CWF19L2: variants seen among roughly 807,000 people sequenced by gnomAD.
The protein encoded by CWF19L2 is CWF19 like cell cycle control factor 2.
A neutral mutation model predicts 111.7 loss-of-function variants in CWF19L2; 98 were observed. The observed-to-expected ratio is 0.88, with a 90% confidence interval of 0.75 to 1.04. The LOEUF (loss-of-function observed/expected upper bound fraction) is 1.04. Among genes scored for constraint, CWF19L2 ranks in the 50% least tolerant of loss-of-function variants. The pLI is 0.00. For missense variants in CWF19L2, 1,101 were observed against 1,051.4 expected, an observed-to-expected ratio of 1.05 and a Z score of -0.65; for synonymous variants, 351 against 342.9, an observed-to-expected ratio of 1.02 and a Z score of -0.26.
intron 14 of CWF19L2, among the ~76,000 whole-genome samples, chr11:107,346,576 G>A (rs1860083937): frequency 6.6e-6 from 1 of 152,158 alleles, no homozygotes; most frequent in African/African-American, 2.4e-5. Flanking sequence ...TGGACGTGGA[G>A]GTGAAGGTGT....
chr11:107,374,316 T>C (rs1464714691), intron 12 of CWF19L2, among the ~76,000 whole-genome samples: 1 of 129,448 alleles, frequency 7.7e-6, no homozygotes, highest in Non-Finnish European at 1.6e-5. Context: ...GACACATAAT[T>C]GTCAGATTCA....
chr11:107,439,050 A>AAAAAC (rs1565285322), intron 6 of CWF19L2, 40 bp downstream of exon 6: 1 of 942,452 alleles, frequency 1.1e-6, no homozygotes, highest in Non-Finnish European at 1.6e-6. Context: ...AAAAAAAAAA[A>AAAAAC]AAAAAACCCT....
intron 12 of CWF19L2, among the ~76,000 whole-genome samples, chr11:107,369,337 T>G (rs1384608261): frequency 7.3e-6 from 1 of 137,610 alleles, no homozygotes; most frequent in Admixed American, 7.2e-5. Context: ...AATATAAAAG[T>G]AGAGCTTCAG....
At position 107,326,751 on chromosome 11, in the gene CWF19L2, AAAC is replaced by A. The variant is rs146591693; in HGVS notation, c.*156_*158del. ...CATAGATAGGAGCAGGTGAAGAAGA[AAAC>A]AACACAATCTCCTGATGTACAGTTG... On this transcript the variant is annotated 3_prime_UTR_variant, in exon 18 of 18. Coordinates refer to ENST00000282251, the MANE Select transcript of CWF19L2 (RefSeq NM_152434.3). The A allele has an allele frequency of 2.9e-4, 151 of 514,556 alleles. No homozygotes were observed. The highest frequency in any genetic ancestry group is 2.9e-3 in the African/African-American group (147 of 50,464). The allele number at this position is 514,556 out of a possible 1,614,324, so 31.9% of individuals were successfully genotyped here. A position where few individuals can be genotyped will look rare whatever the true frequency, so the allele number is the denominator to read the frequency against.
At chr11:107,401,081 C>T (rs923527345) in intron 10 of CWF19L2, among the ~76,000 whole-genome samples, 2 of 152,054 alleles carry the variant, frequency 1.3e-5, no homozygotes, top group Admixed American at 1.3e-4. Flanking sequence ...TAATAAAGGC[C>T]ATCTATGACA....
chr11:107,405,008 G>T (rs750410485), intron 10 of CWF19L2, among the ~76,000 whole-genome samples: 1 of 152,220 alleles, frequency 6.6e-6, no homozygotes, highest in Admixed American at 6.5e-5. Flanking sequence ...TTAAGAATCT[G>T]TATCAGTGTC....
chr11:107,408,096 T>G (rs1861106608), intron 10 of CWF19L2, among the ~76,000 whole-genome samples: 1 of 152,028 alleles, frequency 6.6e-6, no homozygotes. Flanking sequence ...CCTCAGAACA[T>G]TCTCTGGATG....
At chr11:107,449,987 A>G (rs1341044104) in intron 3 of CWF19L2, among the ~76,000 whole-genome samples, 1 of 152,144 alleles carries the variant, frequency 6.6e-6, no homozygotes, top group Middle Eastern at 3.2e-3. Flanking sequence ...TAAAAGCCAT[A>G]AACAGCTAAC....
At chr11:107,352,643 AT>A (rs1283432785) in intron 13 of CWF19L2, among the ~76,000 whole-genome samples, 3 of 152,116 alleles carry the variant, frequency 2.0e-5, no homozygotes. Context: ...AAATTATTTA[AT>A]TTTGAATGGG....
chr11:107,399,343 G>A (rs1860968137), intron 10 of CWF19L2, among the ~76,000 whole-genome samples: 1 of 152,006 alleles, frequency 6.6e-6, no homozygotes, highest in Non-Finnish European at 1.5e-5. Flanking sequence ...TAACACATAA[G>A]GACTTACATA....
At chr11:107,359,817 C>T (rs61190499) in intron 12 of CWF19L2, among the ~76,000 whole-genome samples, 2,669 of 152,140 alleles carry the variant, frequency 0.018, 60 homozygotes, top group African/African-American at 0.059. Context: ...AACGACTCAC[C>T]GAACTTGAAG....
chr11:107,354,477 T>A (rs926589885), intron 12 of CWF19L2, among the ~76,000 whole-genome samples: 1 of 152,148 alleles, frequency 6.6e-6, no homozygotes, highest in Non-Finnish European at 1.5e-5. Context: ...GCGTATCCCT[T>A]ATCCAAATGC....
chr11:107,385,412 T>C (rs1419954154), intron 12 of CWF19L2, among the ~76,000 whole-genome samples: 2 of 152,242 alleles, frequency 1.3e-5, no homozygotes, highest in Non-Finnish European at 2.9e-5. Context: ...TATAAATTGA[T>C]CAAAATTTTT....
At chr11:107,328,487 A>G (rs1293259872) in intron 17 of CWF19L2, among the ~76,000 whole-genome samples, 1 of 152,194 alleles carries the variant, frequency 6.6e-6, no homozygotes, top group African/African-American at 2.4e-5. Flanking sequence ...CAACTGCTTC[A>G]GCAGCAGACT....
Position 107,429,451 on chromosome 11 carries a change from A to T in CWF19L2, c.781T>A (p.Ser261Thr). The change falls in exon 8 of 18, where the codon TCA becomes ACA. Residue 261 changes from serine to threonine, a missense_variant and splice_region_variant. Coordinates refer to ENST00000282251, the MANE Select transcript of CWF19L2 (RefSeq NM_152434.3). ...AATTTTGACTGAAATATTTCCATTGACTACAAAGGAGAAAAATTAAACAAG... is the reference window on the plus strand; with the variant it reads ...AATTTTGACTGAAATATTTCCATTGTCTACAAAGGAGAAAAATTAAACAAG... The part of the protein sequence containing the change: ...FEDIVAERYG[S>T]MEIFQSKLED... 6.5e-7 allele frequency: 1 copy of T among 1,529,976 alleles called. No homozygotes were observed. The allele number at this position is 1,529,976 out of a possible 1,614,324, so 94.8% of individuals were successfully genotyped here. A position where few individuals can be genotyped will look rare whatever the true frequency, so the allele number is the denominator to read the frequency against.
chr11:107,428,858 G>A lies in CWF19L2; in HGVS notation c.1374C>T (p.Val458=). ...CTTTTTTTGGAGGGTCATCTCTCAA[G>A]ACTTCATCTTGTGATTTTTCTCTTG... ...EDPREKSQDE[V]LRDDPPKKEH... is the part of the protein sequence containing the mutation. Residue 458 remains valine (V), a synonymous_variant, in exon 8 of 18, where the codon GTC becomes GTT. Transcript: ENST00000282251. 6.2e-7 allele frequency: 1 copy of A among 1,613,538 alleles called. No individual in the cohort carries two copies. Among genetic ancestry groups the A allele is most frequent in the African/African-American group, 1.3e-5 (1 of 75,004 alleles).
At chr11:107,333,531 C>A (rs138756256) in intron 16 of CWF19L2, among the ~76,000 whole-genome samples, 2 of 152,194 alleles carry the variant, frequency 1.3e-5, no homozygotes, top group South Asian at 2.1e-4. Context: ...AAACGTAGCA[C>A]AAAAGATGTA....
At chr11:107,382,982 G>A (rs1026840219) in intron 12 of CWF19L2, among the ~76,000 whole-genome samples, 2 of 152,242 alleles carry the variant, frequency 1.3e-5, no homozygotes, top group African/African-American at 2.4e-5. Flanking sequence ...ACCTGAACAC[G>A]TAGAGGTTCC....
At chr11:107,425,201 C>CACACAT (rs1327585952) in intron 8 of CWF19L2, among the ~76,000 whole-genome samples, 3 of 151,572 alleles carry the variant, frequency 2.0e-5, no homozygotes, top group African/African-American at 7.3e-5. Flanking sequence ...CACACACACA[C>CACACAT]ACACACACAC....
Sources: allele counts gnomAD v4.1 joint callset (sites outside exome capture counted in the v4.1 genomes callset), GRCh38; gene constraint gnomAD v4.1.1; transcripts MANE v1.5; gene names NCBI Gene and HGNC (gene_info 2026-07-23, HGNC 2026-07-21).